Variants in NF1 observed in about 807,000 individuals in gnomAD.
The protein encoded by NF1 is neurofibromin 1.
In NF1, 122 loss-of-function variants were observed where a neutral mutation model predicts 325.7. The ratio of observed to expected loss-of-function variants is 0.37; its 90% CI spans 0.32 to 0.44. The LOEUF (loss-of-function observed/expected upper bound fraction) is 0.44. Ranked by LOEUF, NF1 falls within the 20% of genes least tolerant of loss-of-function variation. The pLI is 1.00. For synonymous variants in NF1, 1,091 were observed against 1,186.0 expected (o/e 0.92, Z 1.65); for missense variants, 2,140 against 3,415.4 (o/e 0.63, Z 9.31).
Position 31,357,271 on chromosome 17 carries a change from T to A in NF1, c.7872T>A (p.Ala2624=), listed in dbSNP as rs1399938334. ...TTTACTTTTTTGCATCTTGGCAGGC[T>A]ACACTGGTAAAATATACCACAGATG... The part of the protein sequence containing the change: ...KIQALLLTVL[A]TLVKYTTDEF... The change falls in exon 54 of 58, where the codon GCT becomes GCA. Residue 2624 remains alanine, a splice_region_variant and synonymous_variant. Transcript: ENST00000358273. 20 of 1,613,620 alleles carry A rather than the reference T, an allele frequency of 1.2e-5. No individual in the cohort carries two copies. The highest frequency in any genetic ancestry group is 1.6e-5 in the Non-Finnish European group (19 of 1,179,652).
chr17:31,127,313 A>G (rs556426804), intron 1 of NF1, among the ~76,000 whole-genome samples: 67 of 152,284 alleles, frequency 4.4e-4, no homozygotes, highest in Non-Finnish European at 1.5e-4. Context: ...TGGGATTTTG[A>G]ATGGTATTGC....
At chr17:31,333,843 G>A (rs1017111113) in intron 39 of NF1, among the ~76,000 whole-genome samples, 3 of 152,194 alleles carry the variant, frequency 2.0e-5, no homozygotes, top group African/African-American at 4.8e-5. Context: ...TAAATTTTGT[G>A]TTGTGTATAT....
At chr17:31,251,433 G>A (rs2067492418) in intron 30 of NF1, 1 of 197,434 alleles carries the variant, frequency 5.1e-6, no homozygotes, top group South Asian at 1.9e-4. Flanking sequence ...TCCTTCCTTA[G>A]TTGACTGGAT....
chr17:31,114,694 G>A (rs2143325801), intron 1 of NF1, among the ~76,000 whole-genome samples: 1 of 148,024 alleles, frequency 6.8e-6, no homozygotes, highest in Non-Finnish European at 1.5e-5. Context: ...TCTCTACTAA[G>A]AATACAAATA....
intron 8 of NF1, among the ~76,000 whole-genome samples, chr17:31,194,646 C>G (rs1309074284): frequency 6.6e-6 from 1 of 152,014 alleles, no homozygotes; most frequent in Admixed American, 6.6e-5. Flanking sequence ...AATATTAATA[C>G]ATCAAAAAAT....
At chr17:31,099,760 C>T (rs578033105) in intron 1 of NF1, among the ~76,000 whole-genome samples, 1 of 151,786 alleles carries the variant, frequency 6.6e-6, no homozygotes, top group Non-Finnish European at 1.5e-5. Context: ...GGGGTTTCAC[C>T]GTGTTGGCCA....
intron 1 of NF1, among the ~76,000 whole-genome samples, chr17:31,120,369 C>T (rs1365036581): frequency 6.6e-6 from 1 of 152,144 alleles, no homozygotes. Flanking sequence ...CTCTTTGTAG[C>T]AATTGTGAAT....
intron 30 of NF1, chr17:31,252,325 C>G (rs1466392389): frequency 2.9e-5 from 6 of 205,154 alleles, no homozygotes; most frequent in Non-Finnish European, 6.0e-5. Flanking sequence ...AGAACCATTT[C>G]AGGAAGTAGC....
At chr17:31,373,871 C>A in intron 57 of NF1, 142 bp from the exon 58 acceptor site, 1 of 1,009,992 alleles carries the variant, frequency 9.9e-7, no homozygotes, top group South Asian at 1.4e-5. Context: ...CATGTAAGTA[C>A]ACTCCACAAT....
At chr17:31,295,376 C>T in intron 36 of NF1, 4 of 1,614,078 alleles carry the variant, frequency 2.5e-6, no homozygotes, top group Non-Finnish European at 3.4e-6. Flanking sequence ...GGTGTCTTTG[C>T]TTAGAGTGGC....
chr17:31,261,915 GC>G, intron 35 of NF1, 58 bp downstream of exon 35: 3 of 1,530,750 alleles, frequency 2.0e-6, no homozygotes, highest in Non-Finnish European at 2.7e-6. Flanking sequence ...AGGAGAGTTT[GC>G]CACCAGGCCA....
At position 31,219,125 on chromosome 17, in the gene NF1, G is replaced by A. The variant is rs1060503887; in HGVS notation, c.1641+7G>A. On this transcript the variant is annotated splice_region_variant and intron_variant, in intron 14 of 57. Transcript: ENST00000358273. ...TGCTCAGGAAGCAATGGAGGTAAGG[G>A]GAAAATGAATTCCATGTTCTTGAAG... 6.2e-7 allele frequency: 1 copy of A among 1,611,640 alleles called. No homozygotes were observed. The highest frequency in any genetic ancestry group is 8.5e-7 in the Non-Finnish European group (1 of 1,178,692).
At chr17:31,243,214 T>TGTGTGTGTG (rs1369781933) in intron 29 of NF1, among the ~76,000 whole-genome samples, 10 of 70,488 alleles carry the variant, frequency 1.4e-4, no homozygotes, top group African/African-American at 5.5e-4. Context: ...GTGTGTGTGT[T>TGTGTGTGTG]GAGCTGCCTG....
At chr17:31,281,119 C>T (rs1001967629) in intron 36 of NF1, among the ~76,000 whole-genome samples, 2 of 152,176 alleles carry the variant, frequency 1.3e-5, no homozygotes, top group Admixed American at 6.5e-5. Context: ...TGTTATACAG[C>T]TCACCTTACT....
At chr17:31,148,880 C>A (rs1350270931) in intron 1 of NF1, among the ~76,000 whole-genome samples, 9 of 151,960 alleles carry the variant, frequency 5.9e-5, no homozygotes, top group Admixed American at 5.2e-4. Flanking sequence ...ATGTAAGTTA[C>A]GTAGTTCTAA....
chr17:31,346,818 C>CTT (rs59155043), intron 48 of NF1, among the ~76,000 whole-genome samples: 108 of 108,172 alleles, frequency 1.0e-3, no homozygotes, highest in African/African-American at 2.1e-3. Context: ...AAGAATTTGG[C>CTT]TTTTTTTTTT....
Position 31,377,612 on chromosome 17 carries a change from C to T in NF1, c.*3457C>T. The T allele has an allele frequency of 1.3e-5, 3 of 233,050 alleles. No homozygotes were observed. The East Asian group carries it at 1.8e-4, about 14-fold the overall frequency. The allele number at this position is 233,050 out of a possible 1,614,324, so 14.4% of individuals were successfully genotyped here. On this transcript the variant is annotated 3_prime_UTR_variant, in exon 58 of 58. Coordinates refer to ENST00000358273, the MANE Select transcript of NF1 (RefSeq NM_001042492.3). The stretch of plus-strand genomic sequence containing the variant: ...TTATTGTTCCTCACCCCATTTTCCT[C>T]CTTGTGTATGTACTTCCCCCACCCC...
rs2070738262 is a variant in NF1 at position 31,376,825 on chromosome 17, C to T, written c.*2670C>T. 2 of 233,110 alleles carry T rather than the reference C, an allele frequency of 8.6e-6. No homozygotes were observed. Among genetic ancestry groups the T allele is most frequent in the Non-Finnish European group, 1.7e-5 (2 of 118,006 alleles). The allele number at this position is 233,110 out of a possible 1,614,324, so 14.4% of individuals were successfully genotyped here. On this transcript the variant is annotated 3_prime_UTR_variant, in exon 58 of 58. Coordinates refer to ENST00000358273, the MANE Select transcript of NF1 (RefSeq NM_001042492.3). ...TACCTGTTATGCCAGTACTCCCATC[C>T]GAGGGGCATGCCCTTAGTTGCCCAG...
At chr17:31,228,960 A>G (rs2067062750) in intron 20 of NF1, 65 bp from the exon 21 acceptor site, 4 of 1,285,116 alleles carry the variant, frequency 3.1e-6, no homozygotes, top group Non-Finnish European at 3.3e-6. Context: ...TGGATAAAGC[A>G]TAATTTGTCA....
Sources: gnomAD v4.1 joint callset for allele counts (sites outside exome capture counted in the v4.1 genomes callset) on GRCh38, gnomAD v4.1.1 for gene constraint, MANE v1.5 for transcripts, NCBI Gene and HGNC (gene_info 2026-07-23, HGNC 2026-07-21) for gene names.